Variants in GPR137B observed in about 807,000 individuals in gnomAD.
GPR137B encodes G protein-coupled receptor 137B.
A neutral mutation model predicts 42.5 loss-of-function variants in GPR137B; 42 were observed. That is an observed-to-expected ratio of 0.99 (90% CI 0.77 to 1.28). The LOEUF (loss-of-function observed/expected upper bound fraction) is 1.28. Among genes scored for constraint, GPR137B ranks in the 50% most tolerant of loss-of-function variants. The pLI is 0.00. For missense variants in GPR137B, 487 were observed against 493.9 expected, an observed-to-expected ratio of 0.99 and a Z score of 0.13; for synonymous variants, 218 against 209.7, an observed-to-expected ratio of 1.04 and a Z score of -0.34.
intron 1 of GPR137B, among the ~76,000 whole-genome samples, chr1:236,147,204 G>A (rs753404453): frequency 1.3e-5 from 2 of 152,204 alleles, no homozygotes; most frequent in African/African-American, 4.8e-5. Context: ...GGTGCAGAGG[G>A]TGTGCCCATG....
At chr1:236,186,331 A>AATATAT (rs1411602147) in intron 5 of GPR137B, among the ~76,000 whole-genome samples, 4 of 50,524 alleles carry the variant, frequency 7.9e-5, no homozygotes, top group African/African-American at 3.4e-4. Flanking sequence ...AATAATATAT[A>AATATAT]ATTATATATA....
At chr1:236,149,483 C>A (rs1005135227) in intron 1 of GPR137B, among the ~76,000 whole-genome samples, 4 of 152,098 alleles carry the variant, frequency 2.6e-5, no homozygotes, top group Non-Finnish European at 5.9e-5. Flanking sequence ...ACTAAGAGGC[C>A]CCTAAAAGTC....
At chr1:236,152,627 G>T (rs1051355420) in intron 1 of GPR137B, among the ~76,000 whole-genome samples, 12 of 151,966 alleles carry the variant, frequency 7.9e-5, no homozygotes, top group African/African-American at 2.9e-4. Flanking sequence ...CGTGGTGGGC[G>T]CCTGTAATCC....
At chr1:236,163,231 C>T (rs1327469918) in intron 1 of GPR137B, among the ~76,000 whole-genome samples, 1 of 152,232 alleles carries the variant, frequency 6.6e-6, no homozygotes. Context: ...TGGCCACTTT[C>T]TCCCACTTGG....
At chr1:236,207,960 C>T (rs1880913) in intron 6 of GPR137B, 90 bp from the exon 7 acceptor site, 140,918 of 899,940 alleles carry the variant, frequency 0.16, 14,979 homozygotes, top group African/African-American at 0.46. Flanking sequence ...ATAGTTTACA[C>T]AAAAATCTCA....
chr1:236,182,362 A>C (rs2102913145), intron 4 of GPR137B, among the ~76,000 whole-genome samples: 1 of 152,290 alleles, frequency 6.6e-6, no homozygotes, highest in South Asian at 2.1e-4. Context: ...TTTTTCTTCA[A>C]GTAAGAATGC....
intron 2 of GPR137B, among the ~76,000 whole-genome samples, chr1:236,177,797 C>G (rs1662731643): frequency 1.3e-5 from 2 of 151,976 alleles, no homozygotes; most frequent in African/African-American, 4.8e-5. Context: ...CTCAAGCTAT[C>G]CACCTGCCTT....
At chr1:236,162,435 A>G (rs1000258518) in intron 1 of GPR137B, among the ~76,000 whole-genome samples, 4 of 152,246 alleles carry the variant, frequency 2.6e-5, no homozygotes, top group Admixed American at 2.6e-4. Flanking sequence ...CAAGCACGCT[A>G]CAGAAATGTG....
intron 1 of GPR137B, among the ~76,000 whole-genome samples, chr1:236,149,282 C>T (rs551661456): frequency 6.6e-6 from 1 of 152,270 alleles, no homozygotes; most frequent in African/African-American, 2.4e-5. Context: ...GAGCAGAAGG[C>T]ACTGGGGGTC....
intron 6 of GPR137B, chr1:236,207,218 A>T: frequency 3.0e-6 from 3 of 985,370 alleles, no homozygotes; most frequent in Non-Finnish European, 3.6e-6. Flanking sequence ...ATAGGATAAA[A>T]GATTGTCGCT....
intron 4 of GPR137B, among the ~76,000 whole-genome samples, chr1:236,181,336 A>AT (rs60201223): frequency 4.4e-4 from 65 of 147,218 alleles, no homozygotes; most frequent in South Asian, 1.3e-3. Context: ...GACAAACAGC[A>AT]TTTTTTTTTT....
chr1:236,146,376 G>C (rs1397164545), intron 1 of GPR137B, among the ~76,000 whole-genome samples: 1 of 152,154 alleles, frequency 6.6e-6, no homozygotes, highest in Non-Finnish European at 1.5e-5. Context: ...GAAGCTGGGT[G>C]GGGAGGAAGA....
intron 5 of GPR137B, among the ~76,000 whole-genome samples, chr1:236,187,157 A>G (rs949610563): frequency 5.9e-5 from 9 of 152,162 alleles, no homozygotes; most frequent in Non-Finnish European, 1.3e-4. Context: ...GTATCTGTTC[A>G]TATCCTTTGC....
intron 1 of GPR137B, among the ~76,000 whole-genome samples, chr1:236,149,986 G>T (rs1661800777): frequency 6.6e-6 from 1 of 151,150 alleles, no homozygotes; most frequent in Non-Finnish European, 1.5e-5. Flanking sequence ...GTGTGTGTGG[G>T]GTTTGTGTAT....
intron 5 of GPR137B, among the ~76,000 whole-genome samples, chr1:236,196,669 T>G (rs1663347889): frequency 6.6e-6 from 1 of 152,172 alleles, no homozygotes. Context: ...CTTTGCATCT[T>G]CATAGCTCAG....
At chr1:236,205,354 C>T in intron 6 of GPR137B, 104 bp downstream of exon 6, 1 of 930,586 alleles carries the variant, frequency 1.1e-6, no homozygotes, top group Non-Finnish European at 1.6e-6. Context: ...AACTGTGCAG[C>T]CTTAGGTGGT....
intron 1 of GPR137B, among the ~76,000 whole-genome samples, chr1:236,159,919 C>T (rs1003950378): frequency 1.3e-5 from 2 of 152,202 alleles, no homozygotes; most frequent in South Asian, 2.1e-4. Flanking sequence ...TGAGGGCTCT[C>T]GAACATTCCC....
intron 2 of GPR137B, among the ~76,000 whole-genome samples, chr1:236,176,104 CT>C (rs1002485368): frequency 6.6e-6 from 1 of 152,120 alleles, no homozygotes; most frequent in African/African-American, 2.4e-5. Context: ...GGGGCTGCCC[CT>C]CTCATGCCCA....
chr1:236,144,437 A>T (rs1244972473), intron 1 of GPR137B, among the ~76,000 whole-genome samples: 1 of 152,224 alleles, frequency 6.6e-6, no homozygotes, highest in East Asian at 1.9e-4. Context: ...AACAAACAAA[A>T]AAAACAAAGT....
Sources: gnomAD v4.1 joint callset for allele counts (sites outside exome capture counted in the v4.1 genomes callset) on GRCh38, gnomAD v4.1.1 for gene constraint, MANE v1.5 for transcripts, NCBI Gene and HGNC (gene_info 2026-07-23, HGNC 2026-07-21) for gene names.